Variants in GPR158 observed in about 807,000 individuals in gnomAD.
GPR158 encodes the protein G protein-coupled receptor 158, also known as metabotropic glycine receptor.
Under a neutral mutation model 78.2 loss-of-function variants are expected in GPR158, and 30 were observed. The ratio of observed to expected loss-of-function variants is 0.38; its 90% CI spans 0.29 to 0.52. GPR158 has a LOEUF of 0.52. Among genes scored for constraint, GPR158 ranks in the 20% least tolerant of loss-of-function variants. The pLI is 0.83. For missense variants in GPR158, 1,463 were observed against 1,523.5 expected, an observed-to-expected ratio of 0.96 and a Z score of 0.66; for synonymous variants, 581 against 591.1, an observed-to-expected ratio of 0.98 and a Z score of 0.25.
chr10:25,577,494 G>A (rs923274427), intron 7 of GPR158, among the ~76,000 whole-genome samples: 12 of 152,264 alleles, frequency 7.9e-5, no homozygotes, highest in Non-Finnish European at 8.8e-5. Flanking sequence ...AGCTTTACCC[G>A]TCAAAAACAA....
At chr10:25,260,695 C>T (rs746342261) in intron 2 of GPR158, among the ~76,000 whole-genome samples, 32 of 151,934 alleles carry the variant, frequency 2.1e-4, no homozygotes, top group Non-Finnish European at 3.2e-4. Flanking sequence ...CACCTCCTAC[C>T]CTAAAAGGGG....
intron 7 of GPR158, among the ~76,000 whole-genome samples, chr10:25,587,554 A>G (rs1837284072): frequency 6.6e-6 from 1 of 152,236 alleles, no homozygotes; most frequent in South Asian, 2.1e-4. Context: ...ATGGACAGAA[A>G]TACAAGAGTT....
chr10:25,259,240 TA>T (rs1227987678), intron 2 of GPR158, among the ~76,000 whole-genome samples: 1 of 152,200 alleles, frequency 6.6e-6, no homozygotes, highest in East Asian at 1.9e-4. Context: ...GGACAAACTA[TA>T]AATGAATGGG....
At chr10:25,503,223 T>TA (rs1312105264) in intron 5 of GPR158, among the ~76,000 whole-genome samples, 15 of 149,498 alleles carry the variant, frequency 1.0e-4, no homozygotes, top group Admixed American at 7.3e-4. Flanking sequence ...AAAAAAAAAT[T>TA]ATAATCAACC....
At chr10:25,564,196 C>T (rs1469185500) in intron 6 of GPR158, among the ~76,000 whole-genome samples, 6 of 152,144 alleles carry the variant, frequency 3.9e-5, no homozygotes, top group Non-Finnish European at 1.5e-5. Context: ...AGATGAACTG[C>T]ATGTTTGTGT....
intron 2 of GPR158, among the ~76,000 whole-genome samples, chr10:25,314,647 GT>G (rs540553636): frequency 2.7e-4 from 37 of 139,014 alleles, no homozygotes; most frequent in African/African-American, 2.9e-4. Flanking sequence ...ACTGACTGTT[GT>G]TTTTTTTTTA....
intron 6 of GPR158, among the ~76,000 whole-genome samples, chr10:25,560,300 C>G (rs188712904): frequency 9.7e-4 from 148 of 152,356 alleles, no homozygotes; most frequent in Non-Finnish European, 1.6e-3. Flanking sequence ...GAGTCTCGCT[C>G]TGTCACCCAG....
At chr10:25,312,396 C>A (rs1360176626) in intron 2 of GPR158, among the ~76,000 whole-genome samples, 1 of 152,044 alleles carries the variant, frequency 6.6e-6, no homozygotes, top group Non-Finnish European at 1.5e-5. Context: ...TATTGGGAAG[C>A]TGTCAAGCCA....
intron 5 of GPR158, among the ~76,000 whole-genome samples, chr10:25,540,468 C>T (rs993071333): frequency 5.3e-5 from 8 of 152,234 alleles, no homozygotes; most frequent in South Asian, 4.1e-4. Context: ...TTATAAATCA[C>T]GCTGCTGTAA....
intron 2 of GPR158, among the ~76,000 whole-genome samples, chr10:25,329,078 G>C (rs1486668176): frequency 2.0e-5 from 3 of 151,930 alleles, no homozygotes; most frequent in African/African-American, 7.3e-5. Flanking sequence ...CTTCCTGGTA[G>C]TTTGGTAGTT....
At chr10:25,223,926 C>A (rs556804943) in intron 2 of GPR158, among the ~76,000 whole-genome samples, 1 of 152,100 alleles carries the variant, frequency 6.6e-6, no homozygotes, top group Non-Finnish European at 1.5e-5. Flanking sequence ...ATTTTTCTAG[C>A]GATGTTGGAA....
rs185121089 is a variant in GPR158 at position 25,463,584 on chromosome 10, A to T, written c.1336-3067A>T. 8.9e-4 allele frequency among the ~76,000 whole-genome samples: 136 copies of T among 152,094 alleles called. 1 individual carries two copies. The highest frequency in any genetic ancestry group is 3.1e-3 in the African/African-American group (127 of 41,498). On this transcript the variant is annotated intron_variant, in intron 4 of 10. Coordinates refer to ENST00000376351, the MANE Select transcript of GPR158 (RefSeq NM_020752.3). ...TTTTTTATAAGTTTCCCAGTTAACAACTCTGGTTATAGTTTCATATCACCA... is the reference window on the plus strand; with the variant it reads ...TTTTTTATAAGTTTCCCAGTTAACATCTCTGGTTATAGTTTCATATCACCA...
At chr10:25,508,223 T>G (rs187097943) in intron 5 of GPR158, among the ~76,000 whole-genome samples, 2 of 152,240 alleles carry the variant, frequency 1.3e-5, no homozygotes, top group African/African-American at 4.8e-5. Context: ...AGGAGAACAC[T>G]TTTATCTTCA....
In GPR158 at chr10:25,241,414, T is replaced by TCTTCTCTTCTCTTC. The variant is rs1564399847; in HGVS notation, c.1008+20257_1008+20258insCTTCTCTTCTCTTC. Among the ~76,000 whole-genome samples the TCTTCTCTTCTCTTC allele has an allele frequency of 1.6e-3, 89 of 54,932 alleles. 2 individuals carry two copies. The Middle Eastern group carries it at 0.027, about 17-fold the overall frequency. 36.0% of individuals were successfully genotyped at this position (54,932 alleles called of 152,430 possible). On this transcript the variant is annotated intron_variant, in intron 2 of 10. Coordinates refer to ENST00000376351, the MANE Select transcript of GPR158 (RefSeq NM_020752.3). ...CTCTTCTCTTCTCTTCTCTTCTCTTTTCTTTTCTTTTCTTTTCTTTTCTTT... is the reference window on the plus strand; with the variant it reads ...CTCTTCTCTTCTCTTCTCTTCTCTTTCTTCTCTTCTCTTCTCTTTTCTTTTCTTTTCTTTTCTTT...
At chr10:25,412,202 C>A in intron 3 of GPR158, 48 bp from the exon 4 acceptor site, 1 of 1,260,992 alleles carries the variant, frequency 7.9e-7, no homozygotes, top group Non-Finnish European at 1.2e-6. Context: ...TCAATCTTAC[C>A]TACCTAAGAG....
intron 1 of GPR158, among the ~76,000 whole-genome samples, chr10:25,183,881 GAATTATATTGTATC>G (rs1852647041): frequency 6.6e-6 from 1 of 152,194 alleles, no homozygotes. Flanking sequence ...TGATAGTAAA[GAATTATATTGTATC>G]AATTCTAATA....
intron 1 of GPR158, among the ~76,000 whole-genome samples, chr10:25,205,312 T>A (rs1588733949): frequency 6.6e-6 from 1 of 151,200 alleles, no homozygotes; most frequent in East Asian, 1.9e-4. Context: ...GTGTTCTATT[T>A]TTTTTTTTTT....
intron 2 of GPR158, among the ~76,000 whole-genome samples, chr10:25,255,447 G>C (rs1482088395): frequency 1.3e-5 from 2 of 152,218 alleles, no homozygotes; most frequent in Admixed American, 6.5e-5. Context: ...TGACCTGACT[G>C]TGTCCTCTGC....
At chr10:25,286,613 T>A (rs1271253588) in intron 2 of GPR158, among the ~76,000 whole-genome samples, 1 of 152,180 alleles carries the variant, frequency 6.6e-6, no homozygotes, top group Non-Finnish European at 1.5e-5. Context: ...TGTTTTTTTT[T>A]ATTTTTTGAT....
Sources: allele counts gnomAD v4.1 joint callset (sites outside exome capture counted in the v4.1 genomes callset), GRCh38; gene constraint gnomAD v4.1.1; transcripts MANE v1.5; gene names NCBI Gene and HGNC (gene_info 2026-07-23, HGNC 2026-07-21).